RNF150: variants seen among roughly 807,000 people sequenced by gnomAD.
The protein encoded by RNF150 is ring finger protein 150.
RNF150 carries 24 observed loss-of-function variants against 39.3 expected under a neutral mutation model. That is an observed-to-expected ratio of 0.61 (90% CI 0.44 to 0.86). The LOEUF (loss-of-function observed/expected upper bound fraction) is 0.86, where lower values mean the gene tolerates loss of function less well. RNF150 is among the 40% of genes least tolerant of loss of function. The pLI is 0.00. For missense variants in RNF150, 502 were observed against 587.8 expected, an observed-to-expected ratio of 0.85 and a Z score of 1.51; for synonymous variants, 255 against 227.3, an observed-to-expected ratio of 1.12 and a Z score of -1.10.
chr4:141,072,976 T>G (rs905041224), intron 1 of RNF150, among the ~76,000 whole-genome samples: 6 of 152,294 alleles, frequency 3.9e-5, no homozygotes, highest in Middle Eastern at 3.4e-3. Context: ...CAATGTCATC[T>G]ACCTTGCTTG....
At chr4:140,972,102 CTA>C (rs919990525) in intron 1 of RNF150, among the ~76,000 whole-genome samples, 1 of 152,016 alleles carries the variant, frequency 6.6e-6, no homozygotes, top group African/African-American at 2.4e-5. Flanking sequence ...TTTTTCAAAA[CTA>C]TAGTCCTCAG....
At chr4:141,195,657 A>G (rs1400880283) in intron 1 of RNF150, among the ~76,000 whole-genome samples, 3 of 152,212 alleles carry the variant, frequency 2.0e-5, no homozygotes, top group Non-Finnish European at 4.4e-5. Context: ...TAAAATTGGT[A>G]GAAAGGTTAA....
At chr4:140,985,182 A>T (rs1313437246) in intron 1 of RNF150, among the ~76,000 whole-genome samples, 1 of 152,190 alleles carries the variant, frequency 6.6e-6, no homozygotes, top group Non-Finnish European at 1.5e-5. Flanking sequence ...GTTTACAAAG[A>T]GAAAGAAAAC....
chr4:140,941,182 C>T (rs2111357351), intron 4 of RNF150, among the ~76,000 whole-genome samples: 1 of 152,256 alleles, frequency 6.6e-6, no homozygotes, highest in African/African-American at 2.4e-5. Context: ...TGTCAACAAA[C>T]AGAAAAAATC....
At chr4:141,015,054 T>G (rs967439338) in intron 1 of RNF150, among the ~76,000 whole-genome samples, 2 of 152,196 alleles carry the variant, frequency 1.3e-5, no homozygotes, top group African/African-American at 4.8e-5. Context: ...TCTGGTATTC[T>G]CAACACCATT....
chr4:141,191,905 C>A (rs978128928), intron 1 of RNF150, among the ~76,000 whole-genome samples: 2 of 72,964 alleles, frequency 2.7e-5, no homozygotes, highest in African/African-American at 8.5e-5. Flanking sequence ...GTGGCCTCAT[C>A]ATTTTTCCTG....
intron 1 of RNF150, among the ~76,000 whole-genome samples, chr4:141,089,434 G>A (rs1379780961): frequency 6.6e-6 from 1 of 152,166 alleles, no homozygotes; most frequent in Non-Finnish European, 1.5e-5. Flanking sequence ...AGAATCCTGA[G>A]CAAGAAAGAC....
intron 5 of RNF150, 100 bp from the exon 6 acceptor site, chr4:140,911,454 CTTTA>C: frequency 1.0e-6 from 1 of 979,102 alleles, no homozygotes; most frequent in Non-Finnish European, 1.5e-6. Context: ...AAATTAAGTT[CTTTA>C]TTGTTTACTT....
At chr4:140,916,520 C>T (rs528685679) in intron 5 of RNF150, among the ~76,000 whole-genome samples, 11 of 152,300 alleles carry the variant, frequency 7.2e-5, no homozygotes, top group Admixed American at 3.9e-4. Context: ...TGAACAAAGC[C>T]TCCAAGAAAT....
intron 2 of RNF150, 47 bp downstream of exon 2, chr4:140,967,576 C>G: frequency 6.5e-7 from 1 of 1,528,370 alleles, no homozygotes; most frequent in Non-Finnish European, 8.8e-7. Flanking sequence ...TGTTTAATAA[C>G]ATTTTTGTAA....
At chr4:141,076,332 A>C (rs1017725619) in intron 1 of RNF150, among the ~76,000 whole-genome samples, 24 of 152,164 alleles carry the variant, frequency 1.6e-4, no homozygotes, top group African/African-American at 5.6e-4. Flanking sequence ...AAAAATAATA[A>C]ACAACTAGAT....
At chr4:141,020,542 A>G (rs1735453534) in intron 1 of RNF150, among the ~76,000 whole-genome samples, 1 of 152,104 alleles carries the variant, frequency 6.6e-6, no homozygotes, top group Admixed American at 6.5e-5. Context: ...TCTAGAAAAC[A>G]CTGTTCTTTT....
intron 1 of RNF150, among the ~76,000 whole-genome samples, chr4:141,006,581 T>G (rs1436925192): frequency 6.6e-6 from 1 of 152,214 alleles, no homozygotes; most frequent in Non-Finnish European, 1.5e-5. Context: ...ACGCTTGTTT[T>G]GTTTGACATT....
At chr4:140,981,518 T>C (rs1733858379) in intron 1 of RNF150, among the ~76,000 whole-genome samples, 1 of 152,166 alleles carries the variant, frequency 6.6e-6, no homozygotes, top group Admixed American at 6.6e-5. Context: ...CGAATTTATA[T>C]GCTACCAAAA....
At position 141,178,267 on chromosome 4, in the gene RNF150, C is replaced by T. The variant is rs139071776; in HGVS notation, c.-6+34527G>A. 4.9e-3 allele frequency among the ~76,000 whole-genome samples: 741 copies of T among 151,924 alleles called. 27 individuals carry two copies. The highest frequency in any genetic ancestry group is 0.039 in the Admixed American group (591 of 15,264). The stretch of plus-strand genomic sequence containing the variant: ...GTATGTGTGTGTGTGTGTGTGCGTG[C>T]GCATGCACACACATGCTATTTTCTC... On this transcript the variant is annotated intron_variant, in intron 1 of 7. Coordinates refer to the RNF150 transcript ENST00000420921.
At chr4:141,035,584 G>A (rs1026192339) in intron 1 of RNF150, among the ~76,000 whole-genome samples, 4 of 152,116 alleles carry the variant, frequency 2.6e-5, no homozygotes, top group East Asian at 1.9e-4. Context: ...ATCAGAACAC[G>A]AGATAACAAG....
At chr4:141,167,615 AC>A (rs1158468665) in intron 1 of RNF150, among the ~76,000 whole-genome samples, 3 of 152,218 alleles carry the variant, frequency 2.0e-5, no homozygotes, top group Non-Finnish European at 4.4e-5. Context: ...ATGGAAGAGA[AC>A]AACAGCCTCA....
chr4:141,115,091 G>A (rs1739506692), intron 1 of RNF150, among the ~76,000 whole-genome samples: 1 of 152,142 alleles, frequency 6.6e-6, no homozygotes. Context: ...ACAAGACAAG[G>A]ATGCCTTTTC....
rs76230266 is a variant in RNF150, at chr4:140,913,749, T to C, written c.988-2395A>G. On this transcript the variant is annotated intron_variant, in intron 5 of 6. Coordinates refer to ENST00000515673, the MANE Select transcript of RNF150 (RefSeq NM_020724.2). The stretch of plus-strand genomic sequence containing the variant: ...TTGACTTTGGATTCCAAGCCCCTAA[T>C]AGTGCCACTGACAATGACTAGGTGC... Among the ~76,000 whole-genome samples the C allele has an allele frequency of 4.5e-3, 682 of 152,356 alleles. 2 individuals are homozygous for C. The highest frequency in any genetic ancestry group is 7.7e-3 in the Non-Finnish European group (527 of 68,034).
Sources: gnomAD v4.1 joint callset for allele counts (sites outside exome capture counted in the v4.1 genomes callset) on GRCh38, gnomAD v4.1.1 for gene constraint, MANE v1.5 for transcripts, NCBI Gene and HGNC (gene_info 2026-07-23, HGNC 2026-07-21) for gene names.